CSMD1: variants seen among roughly 807,000 people sequenced by gnomAD.
CSMD1 encodes the protein CUB and Sushi multiple domains 1.
In CSMD1, 213 loss-of-function variants were observed where a neutral mutation model predicts 417.5. That is an observed-to-expected ratio of 0.51 (90% CI 0.46 to 0.57). The LOEUF is 0.57. Among genes scored for constraint, CSMD1 ranks in the 20% least tolerant of loss-of-function variants. CSMD1 has a pLI of 0.00. For synonymous variants in CSMD1, 2,862 were observed against 1,736.8 expected, an observed-to-expected ratio of 1.65 and a Z score of -16.11; for missense variants, 6,923 against 4,529.7, an observed-to-expected ratio of 1.53 and a Z score of -15.17.
intron 4 of CSMD1, among the ~76,000 whole-genome samples, chr8:4,015,318 C>A (rs981837266): frequency 1.3e-5 from 2 of 152,166 alleles, no homozygotes; most frequent in Non-Finnish European, 2.9e-5. Flanking sequence ...AAAAGCATGA[C>A]TTCTCTTCCT....
chr8:3,303,025 T>C (rs549169452), intron 25 of CSMD1, among the ~76,000 whole-genome samples: 50 of 152,328 alleles, frequency 3.3e-4, no homozygotes, highest in Non-Finnish European at 5.3e-4. Context: ...AGGGAAAAAC[T>C]GTAGACTTCT....
At position 3,289,761 on chromosome 8, in the gene CSMD1, T is replaced by G. The variant is rs1363985533; in HGVS notation, c.3951-5415A>C. Among the ~76,000 whole-genome samples the G allele has an allele frequency of 4.1e-5, 6 of 147,386 alleles. 1 individual carries two copies. Among genetic ancestry groups the G allele is most frequent in the South Asian group, 2.1e-4 (1 of 4,816 alleles). On this transcript the variant is annotated intron_variant, in intron 25 of 69. Transcript: ENST00000635120. ...AGATGAGGAGGTTGCAATAATTTTC[T>G]CCCATTCTGTAGGTTGCCTGTTCAC... is the stretch of plus-strand genomic sequence containing the variant.
intron 1 of CSMD1, among the ~76,000 whole-genome samples, chr8:4,798,839 T>C (rs1798123824): frequency 1.3e-5 from 2 of 152,222 alleles, no homozygotes; most frequent in South Asian, 4.1e-4. Context: ...TAAAGTTTCA[T>C]ATAACCTCTG....
chr8:3,678,745 C>G (rs1481688003), intron 7 of CSMD1, among the ~76,000 whole-genome samples: 1 of 152,058 alleles, frequency 6.6e-6, no homozygotes, highest in East Asian at 1.9e-4. Flanking sequence ...TCAGATTCAC[C>G]AAAGCTGAAA....
At chr8:4,180,032 G>A (rs1285810885) in intron 3 of CSMD1, among the ~76,000 whole-genome samples, 1 of 152,012 alleles carries the variant, frequency 6.6e-6, no homozygotes, top group African/African-American at 2.4e-5. Flanking sequence ...ATTCCTCAAG[G>A]ACCTAGAACT....
intron 1 of CSMD1, among the ~76,000 whole-genome samples, chr8:4,877,612 T>C (rs1803131401): frequency 6.6e-6 from 1 of 152,072 alleles, no homozygotes; most frequent in South Asian, 2.1e-4. Context: ...CTCACTTTCC[T>C]AATTTCCTAA....
At chr8:4,670,485 C>G (rs1243872488) in intron 1 of CSMD1, among the ~76,000 whole-genome samples, 1 of 152,112 alleles carries the variant, frequency 6.6e-6, no homozygotes, top group Non-Finnish European at 1.5e-5. Context: ...TTTAACTACT[C>G]CCACTTGAAT....
chr8:3,533,158 T>C (rs1000336157), intron 10 of CSMD1, among the ~76,000 whole-genome samples: 1 of 152,172 alleles, frequency 6.6e-6, no homozygotes, highest in Non-Finnish European at 1.5e-5. Flanking sequence ...AATTTAAAGA[T>C]CAAATTCTGT....
intron 3 of CSMD1, among the ~76,000 whole-genome samples, chr8:4,106,637 G>A (rs1015859634): frequency 6.6e-6 from 1 of 152,146 alleles, no homozygotes; most frequent in African/African-American, 2.4e-5. Flanking sequence ...TCCAAAATGT[G>A]ATGTTGATAG....
intron 2 of CSMD1, among the ~76,000 whole-genome samples, chr8:4,626,012 C>A (rs1196465286): frequency 6.6e-6 from 1 of 152,128 alleles, no homozygotes; most frequent in Non-Finnish European, 1.5e-5. Flanking sequence ...GCATGAGTCA[C>A]CATGCTTGGC....
At chr8:3,993,633 G>C (rs753589411) in intron 5 of CSMD1, among the ~76,000 whole-genome samples, 2 of 152,152 alleles carry the variant, frequency 1.3e-5, no homozygotes, top group African/African-American at 4.8e-5. Flanking sequence ...ATAGGCAAAA[G>C]GGTCAAGTTA....
At chr8:3,218,557 T>A (rs549058073) in intron 29 of CSMD1, among the ~76,000 whole-genome samples, 2 of 96,288 alleles carry the variant, frequency 2.1e-5, no homozygotes, top group Non-Finnish European at 4.5e-5. Flanking sequence ...CAAGACTCCA[T>A]CTCAAAAATA....
At chr8:3,210,046 G>A (rs896818450) in intron 30 of CSMD1, among the ~76,000 whole-genome samples, 4 of 152,080 alleles carry the variant, frequency 2.6e-5, no homozygotes, top group Non-Finnish European at 4.4e-5. Flanking sequence ...ATTACCCCAC[G>A]CATCTAAAAC....
intron 2 of CSMD1, among the ~76,000 whole-genome samples, chr8:4,577,034 C>A (rs1209750677): frequency 6.6e-6 from 1 of 152,024 alleles, no homozygotes; most frequent in African/African-American, 2.4e-5. Context: ...ATTTTTATTT[C>A]TTTAATATTG....
At chr8:4,428,820 A>G (rs915821046) in intron 2 of CSMD1, among the ~76,000 whole-genome samples, 1 of 152,006 alleles carries the variant, frequency 6.6e-6, no homozygotes. Context: ...CCCAGGTTGA[A>G]GGATTCTCCT....
chr8:4,101,029 A>G (rs1221401758), intron 3 of CSMD1, among the ~76,000 whole-genome samples: 2 of 152,172 alleles, frequency 1.3e-5, no homozygotes, highest in African/African-American at 4.8e-5. Context: ...GCAGCCTGTG[A>G]TTGCAGAATG....
At chr8:4,674,909 C>A (rs956197160) in intron 1 of CSMD1, among the ~76,000 whole-genome samples, 1 of 152,086 alleles carries the variant, frequency 6.6e-6, no homozygotes, top group African/African-American at 2.4e-5. Flanking sequence ...TGGCATTAGT[C>A]CCTTTATAAG....
chr8:4,341,197 C>T (rs560903589), intron 3 of CSMD1, among the ~76,000 whole-genome samples: 59 of 152,098 alleles, frequency 3.9e-4, no homozygotes, highest in Non-Finnish European at 6.6e-4. Flanking sequence ...TTCAAATCTG[C>T]AATGAAGGCA....
intron 3 of CSMD1, among the ~76,000 whole-genome samples, chr8:4,333,731 A>G (rs1800004293): frequency 6.6e-6 from 1 of 152,146 alleles, no homozygotes; most frequent in African/African-American, 2.4e-5. Context: ...ACAATGACAG[A>G]TTCCAAGATC....
Sources: allele counts gnomAD v4.1 joint callset (sites outside exome capture counted in the v4.1 genomes callset), GRCh38; gene constraint gnomAD v4.1.1; transcripts MANE v1.5; gene names NCBI Gene and HGNC (gene_info 2026-07-23, HGNC 2026-07-21).